CMIP: variants seen among roughly 807,000 people sequenced by gnomAD.
CMIP encodes C-Maf-inducing protein.
CMIP carries 13 observed loss-of-function variants against 97.3 expected under a neutral mutation model. The observed-to-expected ratio is 0.13, with a 90% CI of 0.09 to 0.21. The LOEUF is 0.21. Ranked by LOEUF, CMIP falls within the 10% of genes least tolerant of loss-of-function variation. CMIP has a pLI of 1.00. For missense variants in CMIP, 847 were observed against 1,024.9 expected (o/e 0.83, Z 2.37); for synonymous variants, 538 against 436.3 (o/e 1.23, Z -2.91).
rs770870914 is a variant in CMIP, at chr16:81,672,048, T to G, written c.1012T>G (p.Cys338Gly). The change falls in exon 9 of 21, where the codon TGC (cysteine) becomes GGC (glycine). Residue 338 changes from cysteine (C) to glycine (G), a missense_variant. Transcript: ENST00000537098. ...VAVCLAAIYS[C>G]YEEFINSRDN... ...CGTGTGCCTGGCTGCCATCTACTCC[T>G]GCTATGAAGAGTTCATCAACAGGTC... 5.0e-6 allele frequency: 8 copies of G among 1,602,548 alleles called. No homozygotes were observed. The highest frequency in any genetic ancestry group is 6.8e-6 in the Non-Finnish European group (8 of 1,173,764).
intron 1 of CMIP, among the ~76,000 whole-genome samples, chr16:81,551,580 G>A (rs1052811811): frequency 5.3e-5 from 8 of 152,218 alleles, no homozygotes; most frequent in African/African-American, 1.9e-4. Flanking sequence ...AAGACACACT[G>A]GGGCCGTGTG....
At chr16:81,580,746 GA>G (rs2091282775) in intron 1 of CMIP, among the ~76,000 whole-genome samples, 1 of 148,252 alleles carries the variant, frequency 6.7e-6, no homozygotes. Context: ...GCAGTGAGCC[GA>G]AATCATGCCA....
chr16:81,570,875 A>G (rs539268389), intron 1 of CMIP, among the ~76,000 whole-genome samples: 1 of 152,226 alleles, frequency 6.6e-6, no homozygotes, highest in Admixed American at 6.5e-5. Flanking sequence ...CGTGACTGGG[A>G]CAAGTCTGAG....
chr16:81,542,655 G>A (rs1400098694), intron 1 of CMIP, among the ~76,000 whole-genome samples: 1 of 151,860 alleles, frequency 6.6e-6, no homozygotes, highest in African/African-American at 2.4e-5. Flanking sequence ...GGGTTTGGGT[G>A]AGGGCCCTCT....
At chr16:81,564,593 G>A (rs1202336028) in intron 1 of CMIP, among the ~76,000 whole-genome samples, 1 of 152,244 alleles carries the variant, frequency 6.6e-6, no homozygotes, top group Non-Finnish European at 1.5e-5. Context: ...TCAAGCTCGA[G>A]GCTGCGCCGC....
intron 17 of CMIP, 30 bp from the exon 18 acceptor site, chr16:81,703,909 C>A (rs1409290576): frequency 6.3e-7 from 1 of 1,579,030 alleles, no homozygotes; most frequent in South Asian, 1.1e-5. Flanking sequence ...CCCAGCAGCA[C>A]CCTCAGGCCT....
At chr16:81,569,207 C>T (rs1437951702) in intron 1 of CMIP, among the ~76,000 whole-genome samples, 1 of 152,194 alleles carries the variant, frequency 6.6e-6, no homozygotes, top group Admixed American at 6.5e-5. Context: ...TTGAGAATAT[C>T]TGTAGTGACA....
chr16:81,605,900 T>C (rs369935544), intron 1 of CMIP, among the ~76,000 whole-genome samples: 2 of 152,234 alleles, frequency 1.3e-5, no homozygotes, highest in East Asian at 1.9e-4. Flanking sequence ...GTCAGATGAA[T>C]GAAGGAATGA....
chr16:81,587,591 G>T (rs1242389645), intron 1 of CMIP, among the ~76,000 whole-genome samples: 1 of 152,150 alleles, frequency 6.6e-6, no homozygotes, highest in Non-Finnish European at 1.5e-5. Context: ...AAAACCAAAG[G>T]TGCTAGAGAT....
chr16:81,598,968 C>CAAAAAAAAAAAAAAAAAAAAAAAA (rs141717317), intron 1 of CMIP, among the ~76,000 whole-genome samples: 1 of 49,872 alleles, frequency 2.0e-5, no homozygotes, highest in East Asian at 6.1e-4. Context: ...GACTCTGTCT[C>CAAAAAAAAAAAAAAAAAAAAAAAA]AAAAAAAAAA....
chr16:81,608,004 G>C (rs1383906996), intron 2 of CMIP, among the ~76,000 whole-genome samples: 1 of 152,216 alleles, frequency 6.6e-6, no homozygotes, highest in Non-Finnish European at 1.5e-5. Flanking sequence ...AGGAAACTGA[G>C]GCACACAGGT....
chr16:81,515,358 A>G (rs1021780840), intron 1 of CMIP, among the ~76,000 whole-genome samples: 11 of 152,264 alleles, frequency 7.2e-5, no homozygotes, highest in African/African-American at 2.6e-4. Flanking sequence ...ACGCTTCTAG[A>G]TGGAAAAACA....
intron 1 of CMIP, chr16:81,534,050 G>A (rs1325726692): frequency 2.6e-5 from 4 of 152,220 alleles, no homozygotes; most frequent in Non-Finnish European, 5.9e-5. Context: ...TACTGCTCAC[G>A]GCTACCACGG....
intron 1 of CMIP, among the ~76,000 whole-genome samples, chr16:81,577,934 C>T (rs2091226695): frequency 6.6e-6 from 1 of 150,802 alleles, no homozygotes; most frequent in African/African-American, 2.5e-5. Flanking sequence ...ATCACCATCA[C>T]CTTCATCACC....
intron 1 of CMIP, among the ~76,000 whole-genome samples, chr16:81,547,454 G>T (rs763356509): frequency 6.6e-6 from 1 of 152,172 alleles, no homozygotes. Context: ...TGGGCACGCT[G>T]AGCAGAGGGT....
At chr16:81,550,130 C>A (rs1446413734) in intron 1 of CMIP, among the ~76,000 whole-genome samples, 1 of 152,064 alleles carries the variant, frequency 6.6e-6, no homozygotes, top group Non-Finnish European at 1.5e-5. Flanking sequence ...GAGCACCCTG[C>A]CCATGCCCTC....
At chr16:81,588,763 C>T (rs1450093748) in intron 1 of CMIP, among the ~76,000 whole-genome samples, 4 of 152,182 alleles carry the variant, frequency 2.6e-5, no homozygotes, top group Non-Finnish European at 5.9e-5. Context: ...TCGTGGGGCA[C>T]AGCAGGCCCT....
intron 1 of CMIP, among the ~76,000 whole-genome samples, chr16:81,491,877 C>T (rs1384868364): frequency 6.6e-6 from 1 of 152,194 alleles, no homozygotes; most frequent in Admixed American, 6.5e-5. Flanking sequence ...TTTCCATTTT[C>T]TCCTCTACCG....
intron 10 of CMIP, among the ~76,000 whole-genome samples, chr16:81,687,164 G>A (rs765218862): frequency 3.9e-5 from 6 of 152,094 alleles, no homozygotes; most frequent in African/African-American, 1.4e-4. Flanking sequence ...TCATTGGCCC[G>A]GTCCCAGTGT....
Sources: allele counts gnomAD v4.1 joint callset (sites outside exome capture counted in the v4.1 genomes callset), GRCh38; gene constraint gnomAD v4.1.1; transcripts MANE v1.5; gene names NCBI Gene and HGNC (gene_info 2026-07-23, HGNC 2026-07-21).